AGPAT3: variants seen among roughly 807,000 people sequenced by gnomAD.
AGPAT3 encodes the protein 1-acyl-sn-glycerol-3-phosphate acyltransferase gamma.
In AGPAT3, 5 loss-of-function variants were observed where a neutral mutation model predicts 47.3. That is an observed-to-expected ratio of 0.11 (90% CI 0.06 to 0.22). The LOEUF is 0.22. Ranked by LOEUF, AGPAT3 falls within the 10% of genes least tolerant of loss-of-function variation. AGPAT3 has a pLI of 1.00. For synonymous variants in AGPAT3, 212 were observed against 208.3 expected (o/e 1.02, Z -0.15); for missense variants, 315 against 493.0 (o/e 0.64, Z 3.42).
rs931116844 is a variant in AGPAT3, at chr21:43,987,446, G to A, written c.*5054G>A. 3.3e-5 allele frequency among the ~76,000 whole-genome samples: 5 copies of A among 152,184 alleles called. No homozygotes were observed. The highest frequency in any genetic ancestry group is 5.9e-5 in the Non-Finnish European group (4 of 68,034). On this transcript the variant is annotated 3_prime_UTR_variant, in exon 10 of 10. Transcript: ENST00000291572. The stretch of plus-strand genomic sequence containing the variant: ...ATGTCCAAAAAAGGGTTTTAAAAGC[G>A]ATCAAGGACAAAAGGTTTTCCTAAG...
chr21:43,962,210 G>T (rs1231016622), intron 3 of AGPAT3, among the ~76,000 whole-genome samples: 1 of 152,164 alleles, frequency 6.6e-6, no homozygotes, highest in African/African-American at 2.4e-5. Context: ...CACTGTGTTA[G>T]CCAGGATGGT....
chr21:43,895,824 T>C (rs1339632621), intron 1 of AGPAT3, among the ~76,000 whole-genome samples: 1 of 152,182 alleles, frequency 6.6e-6, no homozygotes, highest in South Asian at 2.1e-4. Context: ...CGGAGTGCAA[T>C]GGCACAGTCT....
At position 43,932,205 on chromosome 21, in the gene AGPAT3, C is replaced by G. The variant is rs1219046995; in HGVS notation, c.-48-27429C>G. 2.0e-5 allele frequency among the ~76,000 whole-genome samples: 3 copies of G among 152,176 alleles called. No homozygotes were observed. Among genetic ancestry groups the G allele is most frequent in the African/African-American group, 7.2e-5 (3 of 41,444 alleles). ...GCCACGCAGCGCGGCCGATCACGAA[C>G]ACGTCCCTCCAGTCTAACTGAAACT... is the stretch of plus-strand genomic sequence containing the variant. On this transcript the variant is annotated intron_variant, in intron 2 of 9. Coordinates refer to ENST00000291572, the MANE Select transcript of AGPAT3 (RefSeq NM_020132.5). The surrounding 1 kb of genome is among the most constrained non-coding windows in gnomAD (Gnocchi z 5.2).
rs930005126 is a variant in AGPAT3, at chr21:43,908,958, G to T, written c.-49+4939G>T. Among the ~76,000 whole-genome samples, 27 of 152,322 alleles carry T rather than the reference G, an allele frequency of 1.8e-4. No individual in the cohort carries two copies. Among genetic ancestry groups the T allele is most frequent in the African/African-American group, 6.3e-4 (26 of 41,572 alleles). On this transcript the variant is annotated intron_variant, in intron 2 of 9. Coordinates refer to ENST00000291572, the MANE Select transcript of AGPAT3 (RefSeq NM_020132.5). This position sits in a 1 kb window ranked among gnomAD's most constrained non-coding sequence, Gnocchi z 4.9. ...GTCTTTTGCTCCTGGGTCCTTACGT[G>T]CCCTGTCACAGCCAGCCCTGCCCTG... is the stretch of plus-strand genomic sequence containing the variant.
chr21:43,981,323 C>T lies in AGPAT3; in HGVS notation c.1042+136C>T. ...CTGTTATGGACCCTGGAGCCAGGAT[C>T]CCCCCACGGCCTGCGGGCCTCAGAG... On this transcript the variant is annotated intron_variant, in intron 9 of 9. Coordinates refer to ENST00000291572, the MANE Select transcript of AGPAT3 (RefSeq NM_020132.5). The surrounding 1 kb of genome is among the most constrained non-coding windows in gnomAD (Gnocchi z 5.3). The T allele has an allele frequency of 1.1e-6, 1 of 947,598 alleles. No individual in the cohort carries two copies. Among genetic ancestry groups the T allele is most frequent in the Non-Finnish European group, 1.6e-6 (1 of 621,510 alleles). 58.7% of individuals were successfully genotyped at this position (947,598 alleles called of 1,614,324 possible).
intron 2 of AGPAT3, among the ~76,000 whole-genome samples, chr21:43,927,396 G>A (rs561756453): frequency 5.9e-5 from 9 of 152,288 alleles, no homozygotes; most frequent in African/African-American, 2.2e-4. Flanking sequence ...GGGTGGGTCT[G>A]TCTCCCCCAG....
chr21:43,959,981 C>T, intron 3 of AGPAT3, 122 bp downstream of exon 3: 4 of 1,102,868 alleles, frequency 3.6e-6, no homozygotes, highest in Non-Finnish European at 5.1e-6. Flanking sequence ...GGTGCCGAGG[C>T]CATCTGGCTG....
At chr21:43,901,336 AAAAG>A (rs1181263524) in intron 1 of AGPAT3, among the ~76,000 whole-genome samples, 5 of 148,506 alleles carry the variant, frequency 3.4e-5, no homozygotes, top group Admixed American at 6.6e-5. Flanking sequence ...AAAAAAAAAA[AAAAG>A]AGAAGAGAAA....
At chr21:43,978,895 A>G (rs1286439910) in intron 8 of AGPAT3, among the ~76,000 whole-genome samples, 1 of 152,228 alleles carries the variant, frequency 6.6e-6, no homozygotes, top group Non-Finnish European at 1.5e-5. Flanking sequence ...GCACAAATGC[A>G]TGGGGCATTC....
At chr21:43,897,072 G>T (rs1007913797) in intron 1 of AGPAT3, among the ~76,000 whole-genome samples, 7 of 151,284 alleles carry the variant, frequency 4.6e-5, no homozygotes, top group African/African-American at 1.7e-4. Context: ...GTGAACAGAG[G>T]TCTCTGGTTT....
chr21:43,964,583 A>G (rs1310132093), intron 3 of AGPAT3, among the ~76,000 whole-genome samples: 1 of 152,214 alleles, frequency 6.6e-6, no homozygotes, highest in Non-Finnish European at 1.5e-5. Flanking sequence ...AAGATAAAGA[A>G]AAAAAGGTAA....
chr21:43,976,742 G>C (rs80348883), intron 7 of AGPAT3, among the ~76,000 whole-genome samples: 245 of 152,264 alleles, frequency 1.6e-3, no homozygotes, highest in African/African-American at 5.8e-3. Flanking sequence ...AACTTGTTCA[G>C]ATATGTGTTT....
rs2030105326 is a variant in AGPAT3, at chr21:43,984,932, C to A, written c.*2540C>A. ...GGCCACTGTCGGGGTGAGGCACATT[C>A]TAGGCCTGGCATCGCTGATGCCCTC... On this transcript the variant is annotated 3_prime_UTR_variant, in exon 10 of 10. Transcript: ENST00000291572. The A allele has an allele frequency of 1.4e-5, 5 of 358,680 alleles. No individual in the cohort carries two copies. Among genetic ancestry groups the A allele is most frequent in the South Asian group, 1.0e-4 (5 of 48,734 alleles). 22.2% of individuals were successfully genotyped at this position (358,680 alleles called of 1,614,324 possible). A position where few individuals can be genotyped will look rare whatever the true frequency, so the allele number is the denominator to read the frequency against.
At chr21:43,882,332 A>G (rs779325959) in intron 1 of AGPAT3, among the ~76,000 whole-genome samples, 17 of 152,262 alleles carry the variant, frequency 1.1e-4, no homozygotes, top group Non-Finnish European at 2.5e-4. Context: ...GGTTTCGTAG[A>G]TTGCACTCAG....
At position 43,970,188 on chromosome 21, in the gene AGPAT3, A is replaced by C. The variant is rs1459363900; in HGVS notation, c.511-465A>C. 6.6e-6 allele frequency among the ~76,000 whole-genome samples: 1 copy of C among 151,274 alleles called. No individual in the cohort carries two copies. Among genetic ancestry groups the C allele is most frequent in the Non-Finnish European group, 1.5e-5 (1 of 67,886 alleles). The stretch of plus-strand genomic sequence containing the variant: ...ACGACTGGCTAATTTTTGTATTTTC[A>C]GTAGAGACGGGGTTTCACCATGTTG... On this transcript the variant is annotated intron_variant, in intron 5 of 9. Transcript: ENST00000291572. The surrounding 1 kb of genome is among the most constrained non-coding windows in gnomAD (Gnocchi z 5.8).
chr21:43,944,775 G>A (rs930741757), intron 2 of AGPAT3, among the ~76,000 whole-genome samples: 1 of 152,250 alleles, frequency 6.6e-6, no homozygotes, highest in Admixed American at 6.5e-5. Flanking sequence ...GAGCCCAGGA[G>A]GAGGTCAATA....
chr21:43,951,631 G>A (rs535360123), intron 2 of AGPAT3, among the ~76,000 whole-genome samples: 3 of 152,306 alleles, frequency 2.0e-5, no homozygotes, highest in South Asian at 2.1e-4. Context: ...ACTCTGTGGC[G>A]TTTTGGGAAG....
At chr21:43,917,552 C>T (rs540179787) in intron 2 of AGPAT3, among the ~76,000 whole-genome samples, 6 of 152,238 alleles carry the variant, frequency 3.9e-5, no homozygotes, top group South Asian at 4.1e-4. Flanking sequence ...AACAAGAGCA[C>T]GTCGGGTATA....
At chr21:43,938,420 G>T (rs1290050176) in intron 2 of AGPAT3, among the ~76,000 whole-genome samples, 2 of 140,452 alleles carry the variant, frequency 1.4e-5, no homozygotes, top group Admixed American at 8.1e-5. Context: ...CGATTCTCCT[G>T]CCTCAGCCTC....
Sources: allele counts gnomAD v4.1 joint callset (sites outside exome capture counted in the v4.1 genomes callset), GRCh38; gene constraint gnomAD v4.1.1; non-coding constraint Gnocchi (gnomAD v3.1); transcripts MANE v1.5; gene names NCBI Gene and HGNC (gene_info 2026-07-23, HGNC 2026-07-21).